The following RPSA2 variants were observed in gnomAD, a reference collection of about 807,000 sequenced individuals.
The protein encoded by RPSA2 is small ribosomal subunit protein uS2B.
the RPSA2 span, among the ~76,000 whole-genome samples, chr19:23,845,902 C>G: frequency 6.6e-6 from 1 of 152,076 alleles, no homozygotes; most frequent in Non-Finnish European, 1.5e-5. Flanking sequence ...TAATTTTATT[C>G]TACTATGGTC....
chr19:23,827,486 A>C, the RPSA2 span: 1 of 1,593,026 alleles, frequency 6.3e-7, no homozygotes, highest in Non-Finnish European at 8.5e-7. Flanking sequence ...TGGAACCTTC[A>C]CTAACCAGAT....
the RPSA2 span, among the ~76,000 whole-genome samples, chr19:23,853,206 G>A: frequency 1.3e-5 from 2 of 152,234 alleles, no homozygotes; most frequent in Non-Finnish European, 2.9e-5. Context: ...ATGTAAAGCA[G>A]TATGAAAGAA....
the RPSA2 span, among the ~76,000 whole-genome samples, chr19:23,830,363 T>G: frequency 6.6e-6 from 1 of 152,164 alleles, no homozygotes; most frequent in Admixed American, 6.5e-5. Flanking sequence ...CAGGCTGGCC[T>G]TGAACTCCTG....
the RPSA2 span, among the ~76,000 whole-genome samples, chr19:23,792,094 T>C: frequency 6.6e-6 from 1 of 152,258 alleles, no homozygotes; most frequent in Non-Finnish European, 1.5e-5. Flanking sequence ...ATGATTTTGC[T>C]TTTCTTACTG....
the RPSA2 span, among the ~76,000 whole-genome samples, chr19:23,805,023 T>TTAAGGACAGGACAGTGTGGCTTAGG: frequency 0.88 from 131,889 of 150,208 alleles, 58,027 homozygotes; most frequent in East Asian, 0.99. Flanking sequence ...TTTGGGTTTG[T>TTAAGGACAGGACAGTGTGGCTTAGG]TAAGGACAGG....
At chr19:23,850,495 G>A in the RPSA2 span, among the ~76,000 whole-genome samples, 1 of 148,230 alleles carries the variant, frequency 6.7e-6, no homozygotes, top group African/African-American at 2.5e-5. Flanking sequence ...TTGTGTGCCA[G>A]TTTCTAAGGA....
the RPSA2 span, among the ~76,000 whole-genome samples, chr19:23,823,519 A>G: frequency 6.6e-6 from 1 of 152,044 alleles, no homozygotes; most frequent in Non-Finnish European, 1.5e-5. Context: ...TCCCAAAACC[A>G]TCTCTTTCAC....
chr19:23,808,338 C>T, the RPSA2 span, among the ~76,000 whole-genome samples: 2 of 140,022 alleles, frequency 1.4e-5, no homozygotes, highest in African/African-American at 5.3e-5. Flanking sequence ...GGCATGATCT[C>T]GGCTCACTGC....
At chr19:23,761,906 T>TCC in the RPSA2 span, among the ~76,000 whole-genome samples, 2 of 92,100 alleles carry the variant, frequency 2.2e-5, no homozygotes, top group Non-Finnish European at 4.0e-5. Context: ...ACGTAATTCT[T>TCC]TCTTTCTTTC....
At chr19:23,816,337 C>T in the RPSA2 span, among the ~76,000 whole-genome samples, 8 of 152,096 alleles carry the variant, frequency 5.3e-5, no homozygotes, top group Non-Finnish European at 1.0e-4. Flanking sequence ...AGTTTTGCCA[C>T]ACTGTCAAGG....
the RPSA2 span, among the ~76,000 whole-genome samples, chr19:23,867,347 T>A: frequency 6.6e-6 from 1 of 152,350 alleles, no homozygotes; most frequent in South Asian, 2.1e-4. Context: ...TCCAGCCTTA[T>A]GTTGCAAATA....
At chr19:23,827,312 C>A in the RPSA2 span, 1 of 1,565,130 alleles carries the variant, frequency 6.4e-7, no homozygotes, top group Non-Finnish European at 8.7e-7. Context: ...TATCATAAAT[C>A]TCAAGAGGAC....
chr19:23,768,350 A>G, the RPSA2 span, among the ~76,000 whole-genome samples: 1 of 151,738 alleles, frequency 6.6e-6, no homozygotes, highest in Non-Finnish European at 1.5e-5. Flanking sequence ...GGTGCATTGT[A>G]TATATTTCTC....
chr19:23,812,323 T>A, the RPSA2 span, among the ~76,000 whole-genome samples: 1 of 151,388 alleles, frequency 6.6e-6, no homozygotes, highest in African/African-American at 2.4e-5. Flanking sequence ...TATCTGCAAA[T>A]GTGACCCCAA....
At chr19:23,838,742 T>G in the RPSA2 span, among the ~76,000 whole-genome samples, 1 of 106,898 alleles carries the variant, frequency 9.4e-6, no homozygotes, top group Non-Finnish European at 1.9e-5. Flanking sequence ...TGTAAAGGTG[T>G]TCTTAGGAGC....
chr19:23,861,813 C>T, the RPSA2 span, among the ~76,000 whole-genome samples: 3 of 152,112 alleles, frequency 2.0e-5, no homozygotes, highest in African/African-American at 7.2e-5. Flanking sequence ...AAACCAGAAC[C>T]CTGAGTTGAC....
At chr19:23,774,618 A>G in the RPSA2 span, among the ~76,000 whole-genome samples, 1 of 152,168 alleles carries the variant, frequency 6.6e-6, no homozygotes, top group East Asian at 1.9e-4. Flanking sequence ...AAGAGCATCA[A>G]CTATTTGATG....
chr19:23,814,216 T>TA, the RPSA2 span, among the ~76,000 whole-genome samples: 1,007 of 143,392 alleles, frequency 7.0e-3, 7 homozygotes, highest in Middle Eastern at 0.014. Flanking sequence ...CATTTCAAAA[T>TA]AAAAAAAAAA....
chr19:23,837,653 G>C, the RPSA2 span, among the ~76,000 whole-genome samples: 4 of 151,952 alleles, frequency 2.6e-5, no homozygotes, highest in African/African-American at 9.7e-5. Context: ...GTGTTTTGTA[G>C]TTTTCCTTCT....
Sources: allele counts gnomAD v4.1 joint callset (sites outside exome capture counted in the v4.1 genomes callset), GRCh38; gene constraint gnomAD v4.1.1; transcripts MANE v1.5; gene names NCBI Gene and HGNC (gene_info 2026-07-23, HGNC 2026-07-21).